HAUS7: variants seen among roughly 807,000 people sequenced by gnomAD.
HAUS7 encodes the protein HAUS augmin like complex subunit 7.
In HAUS7, 3 loss-of-function variants were observed where a neutral mutation model predicts 28.4. The observed-to-expected ratio is 0.11, with a 90% confidence interval of 0.05 to 0.27. The LOEUF (loss-of-function observed/expected upper bound fraction) is 0.27, where lower values mean the gene tolerates loss of function less well. Ranked by LOEUF, HAUS7 falls within the 10% of genes least tolerant of loss-of-function variation. The probability of loss-of-function intolerance (pLI) is 1.00; values close to 1 mark genes in which losing one functional copy is unlikely to be tolerated. For missense variants in HAUS7, 284 were observed against 297.3 expected, an observed-to-expected ratio of 0.96 and a Z score of 0.33; for synonymous variants, 165 against 132.1, an observed-to-expected ratio of 1.25 and a Z score of -1.71.
At chrX:153,486,192 C>CAGCCAGAAGGCAG in intron 1 of HAUS7, 1 of 628,275 alleles carries the variant, frequency 1.6e-6, no homozygotes, top group Non-Finnish European at 2.1e-6. Flanking sequence ...CCAGGAGGCC[C>CAGCCAGAAGGCAG]TGCCTTCTGG....
intron 4 of HAUS7, among the ~76,000 whole-genome samples, chrX:153,460,930 G>C (rs1251181566): frequency 8.9e-6 from 1 of 112,617 alleles, no homozygotes; most frequent in East Asian, 2.8e-4. Flanking sequence ...GCTCAAGAAA[G>C]TGACCCCACA....
At chrX:153,491,685 G>A (rs924616999) in intron 1 of HAUS7, among the ~76,000 whole-genome samples, 23 of 113,224 alleles carry the variant, frequency 2.0e-4, no homozygotes, top group African/African-American at 7.0e-4. Context: ...AGACCACAGT[G>A]TGGCCTGGGG....
At chrX:153,479,227 G>A (rs1029387240) in intron 1 of HAUS7, 5 of 473,653 alleles carry the variant, frequency 1.1e-5, no homozygotes, top group African/African-American at 2.7e-5. Flanking sequence ...GGCCACCACC[G>A]TGCCTCTCCC....
upstream of HAUS7, among the ~76,000 whole-genome samples, chrX:153,472,589 G>A (rs1443641172): frequency 4.6e-5 from 5 of 109,675 alleles, no homozygotes; most frequent in African/African-American, 1.7e-4. Flanking sequence ...GAAGCTTCTG[G>A]AAATGTGGAC....
chrX:153,490,826 T>A (rs1023221482), intron 1 of HAUS7, among the ~76,000 whole-genome samples: 1 of 112,558 alleles, frequency 8.9e-6, no homozygotes, highest in Non-Finnish European at 1.9e-5. Flanking sequence ...CCTCCTCCTC[T>A]AGAAGCTCTC....
intron 1 of HAUS7, 36 bp from the exon 2 acceptor site, chrX:153,469,297 G>A (rs782488711): frequency 4.8e-6 from 3 of 626,600 alleles, no homozygotes; most frequent in South Asian, 4.7e-5. Flanking sequence ...TTCACTGAAA[G>A]TCCCAGTGTA....
At chrX:153,462,768 G>T (rs2089409563) in intron 3 of HAUS7, 97 bp from the exon 4 acceptor site, 2 of 676,880 alleles carry the variant, frequency 3.0e-6, no homozygotes, top group East Asian at 3.3e-5. Flanking sequence ...ACTAGACTGG[G>T]TATAGGAGAC....
chrX:153,457,004 C>A, intron 5 of HAUS7, 133 bp downstream of exon 5: 1 of 498,224 alleles, frequency 2.0e-6, no homozygotes, highest in South Asian at 2.9e-5. Context: ...GATTGGCCAG[C>A]CAGATCCCCA....
intron 3 of HAUS7, among the ~76,000 whole-genome samples, 164 bp downstream of exon 3, chrX:153,464,824 T>C (rs782677879): frequency 3.6e-5 from 4 of 111,195 alleles, no homozygotes; most frequent in South Asian, 7.6e-4. Flanking sequence ...GCGAGAGGAG[T>C]TCTCCCACCT....
Position 153,481,841 on chromosome X carries a change from G to A in HAUS7, c.-588-10696C>T, listed in dbSNP as rs146273101. On this transcript the variant is annotated intron_variant, in intron 1 of 5. Transcript: ENST00000370210. ...AAATTGCCAAGATCCCAGCCCACAC[G>A]TTCCTGGGGCTGCCCAACCTGGAGT... The A allele has an allele frequency of 1.1e-3, 853 of 754,012 alleles. 2 individuals carry two copies. Among genetic ancestry groups the A allele is most frequent in the Non-Finnish European group, 1.1e-3 (675 of 638,943 alleles). 62.1% of individuals were successfully genotyped at this position (754,012 alleles called of 1,213,427 possible).
intron 2 of HAUS7, among the ~76,000 whole-genome samples, chrX:153,467,706 G>A (rs1005642663): frequency 1.1e-4 from 12 of 112,627 alleles, no homozygotes; most frequent in African/African-American, 2.6e-4. Flanking sequence ...TCTGCAGCGC[G>A]TGGAATGGCA....
At chrX:153,450,018 C>T (rs1359510125) in intron 9 of HAUS7, among the ~76,000 whole-genome samples, 5 of 112,132 alleles carry the variant, frequency 4.5e-5, no homozygotes, top group Non-Finnish European at 7.5e-5. Flanking sequence ...TCATCCAGGG[C>T]TTCCTTCTCT....
upstream of HAUS7, among the ~76,000 whole-genome samples, chrX:153,471,936 AT>A (rs1207523091): frequency 4.7e-4 from 52 of 110,578 alleles, no homozygotes; most frequent in African/African-American, 1.5e-3. Flanking sequence ...AGGCTTTGGG[AT>A]TTTTTTTTAA....
At position 153,451,636 on chromosome X, in the gene HAUS7, C is replaced by T. The variant is rs2089240817; in HGVS notation, c.1045+2758G>A. ...TACTTGGGGGTGCAACAGTGGAAAA[C>T]ATTTACAGCAAATGCTTTAGCTGCT... On this transcript the variant is annotated intron_variant, in intron 9 of 9. Coordinates refer to ENST00000370211, the MANE Select transcript of HAUS7 (RefSeq NM_001385482.1). 3.6e-5 allele frequency among the ~76,000 whole-genome samples: 4 copies of T among 112,300 alleles called. No homozygotes were observed. In the Admixed American group the frequency reaches 3.8e-4, roughly 11 times the overall value.
At chrX:153,473,578 C>T (rs1293598248), upstream of HAUS7, among the ~76,000 whole-genome samples, 3 of 112,613 alleles carry the variant, frequency 2.7e-5, no homozygotes, top group East Asian at 2.8e-4. Context: ...CAAGTGTGTG[C>T]GTGTGTGTGC....
intron 1 of HAUS7, among the ~76,000 whole-genome samples, chrX:153,476,891 C>CG (rs1171134361): frequency 3.1e-4 from 29 of 94,413 alleles, no homozygotes; most frequent in African/African-American, 1.1e-3. Flanking sequence ...AGCTCTTGGG[C>CG]GGGGGGGAGG....
chrX:153,463,924 A>G (rs1465297035), intron 3 of HAUS7, among the ~76,000 whole-genome samples: 1 of 112,281 alleles, frequency 8.9e-6, no homozygotes, highest in East Asian at 2.8e-4. Flanking sequence ...TGCATGAACA[A>G]TTCTCCCACC....
rs1288169973 is a variant in HAUS7 at position 153,470,107 on chromosome X, C to T, written c.108+343G>A. On this transcript the variant is annotated intron_variant, in intron 1 of 9. Coordinates refer to ENST00000370211, the MANE Select transcript of HAUS7 (RefSeq NM_001385482.1). ...TGACAGAGTGGCACGAGGCTCTGCCCATCTGTCCCCCCAGACCCCGCAAGA... is the reference window on the plus strand; with the variant it reads ...TGACAGAGTGGCACGAGGCTCTGCCTATCTGTCCCCCCAGACCCCGCAAGA... Among the ~76,000 whole-genome samples the T allele has an allele frequency of 2.7e-5, 3 of 112,797 alleles. No homozygotes were observed. In the Admixed American group the frequency reaches 2.8e-4, roughly 10 times the overall value.
chrX:153,480,506 T>C (rs2089592974), intron 1 of HAUS7: 1 of 680,152 alleles, frequency 1.5e-6, no homozygotes, highest in African/African-American at 2.4e-5. Context: ...GGAAGGGCGA[T>C]GGGCTTTCTA....
Sources: gnomAD v4.1 joint callset for allele counts (sites outside exome capture counted in the v4.1 genomes callset) on GRCh38, gnomAD v4.1.1 for gene constraint, MANE v1.5 for transcripts, NCBI Gene and HGNC (gene_info 2026-07-23, HGNC 2026-07-21) for gene names.